Variants in TSPOAP1 observed in about 807,000 individuals in gnomAD.
TSPOAP1 encodes peripheral-type benzodiazepine receptor-associated protein 1.
In TSPOAP1, 87 loss-of-function variants were observed where a neutral mutation model predicts 197.0. That is an observed-to-expected ratio of 0.44 (90% CI 0.37 to 0.53). TSPOAP1 has a LOEUF of 0.53. TSPOAP1 is among the 20% of genes least tolerant of loss of function. The probability of loss-of-function intolerance (pLI) is 0.00; values close to 1 mark genes in which losing one functional copy is unlikely to be tolerated. For synonymous variants in TSPOAP1, 913 were observed against 998.9 expected, an observed-to-expected ratio of 0.91 and a Z score of 1.62; for missense variants, 2,174 against 2,411.3, an observed-to-expected ratio of 0.90 and a Z score of 2.06.
At position 58,304,770 on chromosome 17, in the gene TSPOAP1, C is replaced by T. The variant is rs1249795769; in HGVS notation, c.5544+291G>A. On this transcript the variant is annotated intron_variant, in intron 30 of 31. Transcript: ENST00000343736. This position sits in a 1 kb window ranked among gnomAD's most constrained non-coding sequence, Gnocchi z 4.2. The stretch of plus-strand genomic sequence containing the variant: ...GCCACAGGTGTGAGGCAGAGGGGTC[C>T]TTTTCCACAGGGCCCCCTCACCTGC... 1 of 589,740 alleles carries T rather than the reference C, an allele frequency of 1.7e-6. No individual in the cohort carries two copies. The highest frequency in any genetic ancestry group is 3.1e-6 in the Non-Finnish European group (1 of 323,252). 36.5% of individuals were successfully genotyped at this position (589,740 alleles called of 1,614,324 possible).
rs777800600 is a variant in TSPOAP1 at position 58,323,377 on chromosome 17, G to A, written c.1025C>T (p.Ser342Leu). Residue 342 changes from serine to leucine, a missense_variant, in exon 7 of 32, where the codon TCG becomes TTG. Coordinates refer to ENST00000343736, the MANE Select transcript of TSPOAP1 (RefSeq NM_004758.4). ...TTTCTTCCGCTTCTTGCTGAGCTCC[G>A]ATTCCTGAGGGGTCAGAACCAAGTG... ...EKEQRVQQLESELSKKRKKCE... is the reference protein window; with the variant it reads ...EKEQRVQQLELELSKKRKKCE... 4.2e-5 allele frequency: 68 copies of A among 1,614,086 alleles called. No individual in the cohort carries two copies. Among genetic ancestry groups the A allele is most frequent in the South Asian group, 5.5e-5 (5 of 91,094 alleles).
In TSPOAP1 at chr17:58,312,491, C is replaced by G; in HGVS notation, c.2330G>C (p.Ser777Thr). ...PEEEDAGDEL[S>T]LSPSPEGLGE... ...CAGGCCCTCCGGTGATGGGCTCAGA[C>G]TGAGCTCGTCCCCTGCATCCTCCTC... The change falls in exon 17 of 32, where the codon AGT becomes ACT. Residue 777 changes from serine to threonine, a missense_variant. Transcript: ENST00000343736. 6.2e-7 allele frequency: 1 copy of G among 1,604,902 alleles called. No individual in the cohort carries two copies. The highest frequency in any genetic ancestry group is 8.5e-7 in the Non-Finnish European group (1 of 1,175,654).
Position 58,322,852 on chromosome 17 carries a change from C to A in TSPOAP1, c.1195-76G>T. 3 of 1,604,994 alleles carry A rather than the reference C, an allele frequency of 1.9e-6. No homozygotes were observed. The highest frequency in any genetic ancestry group is 1.1e-5 in the South Asian group (1 of 90,338). ...AGCACCCTCACAGGGGGAACAGTAC[C>A]CTACCCCTGCTCAGGGGTGGAGGAG... On this transcript the variant is annotated intron_variant, in intron 8 of 31. Coordinates refer to ENST00000343736, the MANE Select transcript of TSPOAP1 (RefSeq NM_004758.4). The surrounding 1 kb of genome is among the most constrained non-coding windows in gnomAD (Gnocchi z 5.0).
In TSPOAP1 at chr17:58,326,906, T is replaced by C; in HGVS notation, c.334-116A>G. 2.4e-6 allele frequency: 2 copies of C among 850,486 alleles called. No homozygotes were observed. Among genetic ancestry groups the C allele is most frequent in the Non-Finnish European group, 3.9e-6 (2 of 519,064 alleles). The allele number at this position is 850,486 out of a possible 1,614,324, so 52.7% of individuals were successfully genotyped here. On this transcript the variant is annotated intron_variant, in intron 1 of 31. Coordinates refer to ENST00000343736, the MANE Select transcript of TSPOAP1 (RefSeq NM_004758.4). The surrounding 1 kb of genome is among the most constrained non-coding windows in gnomAD (Gnocchi z 4.7). ...CAAGGAGACATGGAGATGAAACGGT[T>C]TCCCCTATGTCCCAGGCCTTCAGAG...
chr17:58,327,479 G>T, intron 1 of TSPOAP1, 109 bp downstream of exon 1: 1 of 1,107,964 alleles, frequency 9.0e-7, no homozygotes, highest in Non-Finnish European at 1.3e-6. Flanking sequence ...GGCCAAGAGA[G>T]GACAGGTGGG....
Position 58,328,381 on chromosome 17 carries a change from TG to T in TSPOAP1, c.-462del. 1 of 177,838 alleles carries T rather than the reference TG, an allele frequency of 5.6e-6. No homozygotes were observed. The highest frequency in any genetic ancestry group is 1.2e-5 in the Non-Finnish European group (1 of 83,192). The allele number at this position is 177,838 out of a possible 1,614,324, so 11.0% of individuals were successfully genotyped here. A position where few individuals can be genotyped will look rare whatever the true frequency, so the allele number is the denominator to read the frequency against. ...GCCCATTTCAGAGTTGCCAGTTGTT[TG>T]TGTGTGTGTGTGTGGGTGTCTGTAT... is the stretch of plus-strand genomic sequence containing the variant. On this transcript the variant is annotated 5_prime_UTR_variant, in exon 1 of 32. Coordinates refer to ENST00000343736, the MANE Select transcript of TSPOAP1 (RefSeq NM_004758.4). This position sits in a 1 kb window ranked among gnomAD's most constrained non-coding sequence, Gnocchi z 4.3.
In TSPOAP1 at chr17:58,306,782, G is replaced by T; in HGVS notation, c.5152+18C>A. 2 of 1,599,954 alleles carry T rather than the reference G, an allele frequency of 1.3e-6. No homozygotes were observed. The highest frequency in any genetic ancestry group is 1.7e-6 in the Non-Finnish European group (2 of 1,169,356). ...GGGGGCTGGTGGGAGGTGGGTGAGG[G>T]ACAGCAGCAGGTCATACCTGAGCCC... On this transcript the variant is annotated intron_variant, in intron 25 of 31. Coordinates refer to ENST00000343736, the MANE Select transcript of TSPOAP1 (RefSeq NM_004758.4).
intron 16 of TSPOAP1, among the ~76,000 whole-genome samples, chr17:58,315,311 G>A (rs9902067): frequency 0.023 from 3,565 of 152,242 alleles, 140 homozygotes; most frequent in African/African-American, 0.081. Context: ...ACACAGCTGC[G>A]GCTCTCGCCC....
chr17:58,310,205 C>T (rs1027003053), intron 20 of TSPOAP1, 47 bp from the exon 21 acceptor site: 3 of 1,569,442 alleles, frequency 1.9e-6, no homozygotes, highest in South Asian at 1.1e-5. Flanking sequence ...AGTGAGGGGG[C>T]ACAGGGGGTT....
At position 58,305,453 on chromosome 17, in the gene TSPOAP1, C is replaced by T. The variant is rs777103941; in HGVS notation, c.5367G>A (p.Glu1789=). 6.8e-6 allele frequency: 11 copies of T among 1,613,794 alleles called. No homozygotes were observed. In the East Asian group the frequency reaches 2.5e-4, roughly 36 times the overall value. ...ESSPNMDVEA[E]LPFRAGDVIT... Reference sequence around the variant, plus strand: ...TGACATCCCCTGCCCGGAAGGGCAGCTCTGCCTGTGGAAAACAAGAGGAGG... The same window carrying T: ...TGACATCCCCTGCCCGGAAGGGCAGTTCTGCCTGTGGAAAACAAGAGGAGG... The change falls in exon 29 of 32, where the codon GAG becomes GAA. Residue 1789 remains glutamate, a synonymous_variant. Transcript: ENST00000343736.
chr17:58,305,439 G>A lies in TSPOAP1; in HGVS notation c.5381C>T (p.Ala1794Val), dbSNP rs200356258. The A allele has an allele frequency of 1.9e-6, 3 of 1,613,822 alleles. No homozygotes were observed. In the African/African-American group the frequency reaches 4.0e-5, roughly 22 times the overall value. ...MDVEAELPFR[A>V]GDVITVFGGM... ...CCCAAACACAGTAATGACATCCCCT[G>A]CCCGGAAGGGCAGCTCTGCCTGTGG... Residue 1794 changes from alanine to valine, a missense_variant, in exon 29 of 32, where the codon GCA (alanine) becomes GTA (valine). Ala to Val is a moderately conservative substitution (Grantham distance 64, BLOSUM62 0). Around this residue, in one of 5 missense-constraint regions of TSPOAP1, gnomAD observed 161 missense variants for 159.1 expected, o/e 1.01. Coordinates refer to ENST00000343736, the MANE Select transcript of TSPOAP1 (RefSeq NM_004758.4).
At position 58,309,582 on chromosome 17, in the gene TSPOAP1, AAAGG is replaced by A. The variant is rs2144040797; in HGVS notation, c.3892-206_3892-203del. ...TTCACACACATATCCAGTGAGAGCCAAAGGAAGAATTAGGGAACACACTCTAGGA... is the reference window on the plus strand; with the variant it reads ...TTCACACACATATCCAGTGAGAGCCAAAGAATTAGGGAACACACTCTAGGA... On this transcript the variant is annotated intron_variant, in intron 21 of 31. Transcript: ENST00000343736. The surrounding 1 kb of genome is among the most constrained non-coding windows in gnomAD (Gnocchi z 5.0). Among the ~76,000 whole-genome samples, 1 of 152,108 alleles carries A rather than the reference AAAGG, an allele frequency of 6.6e-6. No homozygotes were observed. Among genetic ancestry groups the A allele is most frequent in the African/African-American group, 2.4e-5 (1 of 41,480 alleles).
rs900465118 is a variant in TSPOAP1, at chr17:58,316,041, C to T, written c.2080G>A (p.Glu694Lys). The T allele has an allele frequency of 2.1e-5, 34 of 1,613,928 alleles. No homozygotes were observed. The highest frequency in any genetic ancestry group is 2.5e-5 in the Non-Finnish European group (30 of 1,179,932). Reference sequence around the variant, plus strand: ...TTCCTACCTTCAAAAAAGCCATCCTCATCCATGTTGCCATAGATGTAGATG... The same window carrying T: ...TTCCTACCTTCAAAAAAGCCATCCTTATCCATGTTGCCATAGATGTAGATG... Reference protein sequence around the residue: ...EYIYIYGNMDEDGFFEGELMD... With the variant: ...EYIYIYGNMDKDGFFEGELMD... The change falls in exon 16 of 32, where the codon GAG (glutamate) becomes AAG (lysine). Residue 694 changes from glutamate (E) to lysine (K), a missense_variant. Transcript: ENST00000343736.
chr17:58,307,637 G>A lies in TSPOAP1; in HGVS notation c.4957C>T (p.Pro1653Ser). The change falls in exon 24 of 32, where the codon CCC becomes TCC. Residue 1653 changes from proline (P) to serine (S), a missense_variant. By Grantham distance (74) the Pro-to-Ser change is moderately conservative. Around this residue, in one of 5 missense-constraint regions of TSPOAP1, gnomAD observed 16 missense variants for 38.8 expected, o/e 0.41. Transcript: ENST00000343736. ...PNPDAGEEEL[P>S]FREGQILKVF... ...TTCAGGATCTGACCCTCTCGGAAGGGAAGCTCTTCTTCTCCAGCATCAGGA... is the reference window on the plus strand; with the variant it reads ...TTCAGGATCTGACCCTCTCGGAAGGAAAGCTCTTCTTCTCCAGCATCAGGA... The A allele has an allele frequency of 6.2e-7, 1 of 1,614,052 alleles. No homozygotes were observed. The highest frequency in any genetic ancestry group is 8.5e-7 in the Non-Finnish European group (1 of 1,180,036).
At position 58,327,965 on chromosome 17, in the gene TSPOAP1, C is replaced by G; in HGVS notation, c.-45G>C. 6.7e-7 allele frequency: 1 copy of G among 1,503,140 alleles called. No homozygotes were observed. The highest frequency in any genetic ancestry group is 1.9e-4 in the Middle Eastern group (1 of 5,362). The allele number at this position is 1,503,140 out of a possible 1,614,324, so 93.1% of individuals were successfully genotyped here. ...AGAACCCGGGCCGGGGGACATCACCCAGCCAGGTGGGGGGACTGGCGAGGG... is the reference window on the plus strand; with the variant it reads ...AGAACCCGGGCCGGGGGACATCACCGAGCCAGGTGGGGGGACTGGCGAGGG... On this transcript the variant is annotated 5_prime_UTR_variant, in exon 1 of 32. Coordinates refer to ENST00000343736, the MANE Select transcript of TSPOAP1 (RefSeq NM_004758.4).
intron 4 of TSPOAP1, chr17:58,325,310 G>A: frequency 1.6e-6 from 1 of 634,860 alleles, no homozygotes; most frequent in Non-Finnish European, 2.7e-6. Flanking sequence ...AGACCCACCG[G>A]CAAACAGCCT....
At position 58,306,847 on chromosome 17, in the gene TSPOAP1, A is replaced by G. The variant is rs903621566; in HGVS notation, c.5105T>C (p.Leu1702Pro). ...AVDSPAGRQQ[L>P]LQRGYLSPDI... ...TGGGGACAAATAACCCCGCTGGAGC[A>G]GTTGCTGTCTCCCAGCAGGGCTGTC... The change falls in exon 25 of 32, where the codon CTG becomes CCG. Residue 1702 changes from leucine to proline, a missense_variant. Physicochemically the swap from Leu to Pro is moderately conservative, Grantham distance 98. Around this residue, in one of 5 missense-constraint regions of TSPOAP1, gnomAD observed 161 missense variants for 159.1 expected, o/e 1.01. Transcript: ENST00000343736. 4 of 1,613,750 alleles carry G rather than the reference A, an allele frequency of 2.5e-6. No homozygotes were observed. Among genetic ancestry groups the G allele is most frequent in the Non-Finnish European group, 3.4e-6 (4 of 1,179,998 alleles).
rs750879199 is a variant in TSPOAP1, at chr17:58,322,301, G to A, written c.1422+7C>T. ...CAGCCTGCCAGCTTCCCTCACTGCC[G>A]CCCCACCTGCTGCAGTCTCCGGACC... On this transcript the variant is annotated splice_region_variant and intron_variant, in intron 10 of 31. Transcript: ENST00000343736. The surrounding 1 kb of genome is among the most constrained non-coding windows in gnomAD (Gnocchi z 5.0). The A allele has an allele frequency of 6.2e-6, 10 of 1,601,316 alleles. No individual in the cohort carries two copies. Among genetic ancestry groups the A allele is most frequent in the African/African-American group, 2.7e-5 (2 of 74,966 alleles).
Position 58,308,635 on chromosome 17 carries a change from G to A in TSPOAP1, c.4637C>T (p.Pro1546Leu). 1.2e-6 allele frequency: 2 copies of A among 1,608,110 alleles called. No homozygotes were observed. Among genetic ancestry groups the A allele is most frequent in the Non-Finnish European group, 1.7e-6 (2 of 1,176,230 alleles). Reference sequence around the variant, plus strand: ...GGCTGGGAGGCGTGGGTAGGGCTTGGGGCCTGAATTGGCCTTCGGAGGCCC... The same window carrying A: ...GGCTGGGAGGCGTGGGTAGGGCTTGAGGCCTGAATTGGCCTTCGGAGGCCC... ...PRGPPKANSG[P>L]KPYPRLPAWE... Residue 1546 changes from proline (P) to leucine (L), a missense_variant, in exon 22 of 32, where the codon CCC becomes CTC. Around this residue, in one of 5 missense-constraint regions of TSPOAP1, gnomAD observed 1,933 missense variants for 2,139.0 expected, o/e 0.90. Coordinates refer to ENST00000343736, the MANE Select transcript of TSPOAP1 (RefSeq NM_004758.4).
Sources: gnomAD v4.1 joint callset for allele counts (sites outside exome capture counted in the v4.1 genomes callset) on GRCh38, gnomAD v4.1.1 for gene constraint, gnomAD v4.1.1 regional missense constraint, Gnocchi (gnomAD v3.1) non-coding constraint, MANE v1.5 for transcripts, NCBI Gene and HGNC (gene_info 2026-07-23, HGNC 2026-07-21) for gene names.